Variants in GTF2F2 observed in about 807,000 individuals in gnomAD.
GTF2F2 encodes the protein ATP-dependent helicase GTF2F2.
In GTF2F2, 23 loss-of-function variants were observed where a neutral mutation model predicts 42.2. The observed-to-expected ratio is 0.55, with a 90% CI of 0.39 to 0.77. The LOEUF is 0.77. GTF2F2 is among the 30% of genes least tolerant of loss of function. The pLI, the probability that GTF2F2 is intolerant of heterozygous loss-of-function variation, is 0.00. For synonymous variants in GTF2F2, 105 were observed against 100.8 expected (o/e 1.04, Z -0.25); for missense variants, 261 against 287.2 (o/e 0.91, Z 0.66).
At chr13:45,262,680 A>G (rs559731306) in intron 6 of GTF2F2, among the ~76,000 whole-genome samples, 31 of 152,058 alleles carry the variant, frequency 2.0e-4, no homozygotes, top group Non-Finnish European at 3.2e-4. Flanking sequence ...CAGCCTCCCA[A>G]AGTGCTGAGA....
intron 4 of GTF2F2, among the ~76,000 whole-genome samples, chr13:45,191,248 TATATATA>T (rs1447069254): frequency 4.4e-5 from 6 of 137,718 alleles, no homozygotes; most frequent in Admixed American, 7.2e-5. Flanking sequence ...TATATATATA[TATATATA>T]GCCATAATCT....
At chr13:45,246,254 G>A (rs968553810) in intron 5 of GTF2F2, among the ~76,000 whole-genome samples, 21 of 151,720 alleles carry the variant, frequency 1.4e-4, no homozygotes, top group Non-Finnish European at 7.4e-5. Flanking sequence ...CTCGTGATCC[G>A]CCCTCCTTGG....
intron 4 of GTF2F2, among the ~76,000 whole-genome samples, chr13:45,192,163 T>C (rs541962277): frequency 6.6e-5 from 10 of 152,304 alleles, no homozygotes; most frequent in African/African-American, 2.4e-4. Context: ...TTGTTCAGTC[T>C]TGATTAAGCT....
chr13:45,171,187 C>G (rs1360295071), intron 4 of GTF2F2, among the ~76,000 whole-genome samples: 1 of 149,744 alleles, frequency 6.7e-6, no homozygotes, highest in African/African-American at 2.5e-5. Context: ...AAGCGATTCT[C>G]CTGCCTCAAC....
At chr13:45,257,033 CCA>C (rs1876132117) in intron 6 of GTF2F2, among the ~76,000 whole-genome samples, 1 of 151,952 alleles carries the variant, frequency 6.6e-6, no homozygotes, top group Non-Finnish European at 1.5e-5. Flanking sequence ...TTGCATTTAC[CCA>C]CAGTTTTTTC....
intron 5 of GTF2F2, among the ~76,000 whole-genome samples, chr13:45,211,984 A>C (rs567403618): frequency 1.3e-5 from 2 of 151,778 alleles, no homozygotes; most frequent in South Asian, 4.2e-4. Flanking sequence ...CACACACACC[A>C]CACCCCCACA....
intron 6 of GTF2F2, among the ~76,000 whole-genome samples, chr13:45,258,886 G>A (rs1037507765): frequency 2.6e-5 from 4 of 152,150 alleles, no homozygotes; most frequent in Non-Finnish European, 4.4e-5. Context: ...CAGCTGATGC[G>A]TAAGGTTCTT....
chr13:45,183,893 T>A (rs919330797), intron 4 of GTF2F2, among the ~76,000 whole-genome samples: 2 of 152,060 alleles, frequency 1.3e-5, no homozygotes, highest in African/African-American at 4.8e-5. Context: ...TCTTTCTTGG[T>A]CACCCAGGCT....
At chr13:45,133,831 A>G (rs1042000152) in intron 1 of GTF2F2, among the ~76,000 whole-genome samples, 3 of 152,212 alleles carry the variant, frequency 2.0e-5, no homozygotes, top group African/African-American at 7.2e-5. Flanking sequence ...TGTGTATAAA[A>G]GTCAAGTGCT....
chr13:45,200,222 GAGGGAAAGAATTTTGC>G (rs1286042196), intron 4 of GTF2F2, among the ~76,000 whole-genome samples: 1 of 152,078 alleles, frequency 6.6e-6, no homozygotes, highest in African/African-American at 2.4e-5. Flanking sequence ...AGACAGGGAG[GAGGGAAAGAATTTTGC>G]AGGGAGATGA....
At chr13:45,174,946 C>G (rs1263665208) in intron 4 of GTF2F2, among the ~76,000 whole-genome samples, 1 of 152,152 alleles carries the variant, frequency 6.6e-6, no homozygotes, top group African/African-American at 2.4e-5. Flanking sequence ...TTTATCATTT[C>G]TCTGTGTTGG....
At chr13:45,235,621 G>A (rs1020889158) in intron 5 of GTF2F2, among the ~76,000 whole-genome samples, 6 of 150,752 alleles carry the variant, frequency 4.0e-5, no homozygotes, top group Non-Finnish European at 7.4e-5. Flanking sequence ...ATAGAGTCCC[G>A]CTGTGTTGCC....
chr13:45,208,220 T>C (rs1873496397), intron 5 of GTF2F2, among the ~76,000 whole-genome samples: 1 of 152,128 alleles, frequency 6.6e-6, no homozygotes, highest in Admixed American at 6.6e-5. Flanking sequence ...TAAACATATA[T>C]ACTGTGTTAG....
At position 45,244,420 on chromosome 13, in the gene GTF2F2, GTAAGT is replaced by G. The variant is rs138700843; in HGVS notation, c.387-8450_387-8446del. Among the ~76,000 whole-genome samples, 386 of 152,224 alleles carry G rather than the reference GTAAGT, an allele frequency of 2.5e-3. 1 individual carries two copies. Among genetic ancestry groups the G allele is most frequent in the African/African-American group, 8.8e-3 (365 of 41,550 alleles). On this transcript the variant is annotated intron_variant, in intron 5 of 7. Transcript: ENST00000340473. ...TTCTTACCACAGTTTCCAGCACATA[GTAAGT>G]GTTCTTTAAATGTTTTATTTTTGTT...
chr13:45,169,448 T>C (rs1484262556), intron 4 of GTF2F2, among the ~76,000 whole-genome samples: 1 of 152,162 alleles, frequency 6.6e-6, no homozygotes, highest in Non-Finnish European at 1.5e-5. Context: ...CCCCCAGTAC[T>C]ATGAGAAAAT....
chr13:45,266,215 A>G (rs1368747236), intron 6 of GTF2F2, among the ~76,000 whole-genome samples: 1 of 152,136 alleles, frequency 6.6e-6, no homozygotes, highest in Non-Finnish European at 1.5e-5. Flanking sequence ...TAGATACTGT[A>G]TTTTTTACTT....
chr13:45,210,914 A>G (rs900036619), intron 5 of GTF2F2, among the ~76,000 whole-genome samples: 1 of 152,194 alleles, frequency 6.6e-6, no homozygotes, highest in Non-Finnish European at 1.5e-5. Context: ...AAGCAGATAT[A>G]ATAATCCAGG....
chr13:45,180,872 C>G (rs969572321), intron 4 of GTF2F2, among the ~76,000 whole-genome samples: 2 of 151,994 alleles, frequency 1.3e-5, no homozygotes, highest in African/African-American at 2.4e-5. Flanking sequence ...CATCAAAAAA[C>G]GAAAGTGATC....
chr13:45,207,585 C>A, intron 5 of GTF2F2, 80 bp downstream of exon 5: 1 of 855,826 alleles, frequency 1.2e-6, no homozygotes, highest in Non-Finnish European at 2.0e-6. Flanking sequence ...CGCCTATTGA[C>A]TGCATTAAAA....
Sources: allele counts gnomAD v4.1 joint callset (sites outside exome capture counted in the v4.1 genomes callset), GRCh38; gene constraint gnomAD v4.1.1; transcripts MANE v1.5; gene names NCBI Gene and HGNC (gene_info 2026-07-23, HGNC 2026-07-21).